Variants in GPAT3 observed in about 807,000 individuals in gnomAD.
GPAT3 encodes the protein glycerol-3-phosphate acyltransferase 3, also known as 1-AGP acyltransferase 9.
A neutral mutation model predicts 58.8 loss-of-function variants in GPAT3; 53 were observed. That is an observed-to-expected ratio of 0.90 (90% CI 0.72 to 1.13). The LOEUF is 1.13. Among genes scored for constraint, GPAT3 ranks in the 50% most tolerant of loss-of-function variants. The probability of loss-of-function intolerance (pLI) is 0.00; values close to 1 mark genes in which losing one functional copy is unlikely to be tolerated. For missense variants in GPAT3, 511 were observed against 527.6 expected (o/e 0.97, Z 0.31); for synonymous variants, 197 against 187.4 (o/e 1.05, Z -0.42).
At chr4:83,574,519 A>G (rs1725714273) in intron 2 of GPAT3, among the ~76,000 whole-genome samples, 2 of 151,918 alleles carry the variant, frequency 1.3e-5, no homozygotes, top group African/African-American at 2.4e-5. Context: ...TTTTATCTTC[A>G]TCCAAGCATG....
chr4:83,574,915 G>T (rs1287312194), intron 2 of GPAT3, among the ~76,000 whole-genome samples: 1 of 124,540 alleles, frequency 8.0e-6, no homozygotes, highest in Non-Finnish European at 1.6e-5. Flanking sequence ...TCTCGCTATC[G>T]CCCAGGCCGG....
intron 2 of GPAT3, among the ~76,000 whole-genome samples, chr4:83,551,233 T>G (rs1724737661): frequency 6.6e-6 from 1 of 152,172 alleles, no homozygotes; most frequent in South Asian, 2.1e-4. Context: ...GCAGTTAAAC[T>G]GAATTAACTG....
At chr4:83,545,174 C>T (rs908006867) in intron 2 of GPAT3, among the ~76,000 whole-genome samples, 7 of 152,230 alleles carry the variant, frequency 4.6e-5, no homozygotes, top group Non-Finnish European at 7.3e-5. Context: ...GGTGCAGTGG[C>T]TCACGCCTAT....
At chr4:83,540,695 T>A (rs958433786) in intron 1 of GPAT3, among the ~76,000 whole-genome samples, 2 of 152,136 alleles carry the variant, frequency 1.3e-5, no homozygotes, top group Admixed American at 1.3e-4. Flanking sequence ...TTATTTTATT[T>A]CTTTTTGTGA....
chr4:83,557,589 C>T (rs1310825464), intron 2 of GPAT3, among the ~76,000 whole-genome samples: 3 of 152,152 alleles, frequency 2.0e-5, no homozygotes, highest in Admixed American at 1.3e-4. Context: ...TTATATGCAG[C>T]CCACAGGCCA....
At chr4:83,535,712 T>A (rs1278961752), upstream of GPAT3, 1 of 985,188 alleles carries the variant, frequency 1.0e-6, no homozygotes, top group Non-Finnish European at 1.2e-6. Flanking sequence ...TAAGCAAGAT[T>A]GAGCCCCACA....
At chr4:83,555,139 A>C (rs1724902719) in intron 2 of GPAT3, among the ~76,000 whole-genome samples, 1 of 152,112 alleles carries the variant, frequency 6.6e-6, no homozygotes, top group African/African-American at 2.4e-5. Context: ...ACTGTGACAT[A>C]ATAAGAAATA....
At chr4:83,590,080 G>T in intron 5 of GPAT3, 119 bp from the exon 6 acceptor site, 1 of 806,810 alleles carries the variant, frequency 1.2e-6, no homozygotes, top group East Asian at 3.0e-5. Flanking sequence ...GCAACAGAGT[G>T]AGACGCGAAA....
At chr4:83,547,129 G>T (rs935683817) in intron 2 of GPAT3, among the ~76,000 whole-genome samples, 2 of 151,976 alleles carry the variant, frequency 1.3e-5, no homozygotes, top group Non-Finnish European at 2.9e-5. Context: ...AGGACCCCAG[G>T]AGTGTGGGTA....
intron 1 of GPAT3, among the ~76,000 whole-genome samples, chr4:83,542,540 G>A (rs754415594): frequency 1.2e-4 from 19 of 152,204 alleles, no homozygotes; most frequent in Non-Finnish European, 8.8e-5. Context: ...GGGTCCTGAC[G>A]TAGTCAGATA....
intron 11 of GPAT3, among the ~76,000 whole-genome samples, chr4:83,602,932 A>G (rs1235204604): frequency 2.6e-5 from 4 of 152,150 alleles, no homozygotes; most frequent in Admixed American, 2.0e-4. Context: ...CCACTGGATG[A>G]TTTGTGGATC....
In GPAT3 at chr4:83,572,004, C is replaced by T. The variant is rs566527843; in HGVS notation, c.209-9558C>T. Among the ~76,000 whole-genome samples the T allele has an allele frequency of 7.2e-5, 11 of 152,182 alleles. No individual in the cohort carries two copies. In the East Asian group the frequency reaches 2.1e-3, roughly 29 times the overall value. On this transcript the variant is annotated intron_variant, in intron 2 of 11. Transcript: ENST00000264409. Reference sequence around the variant, plus strand: ...GCCAGGCTGGTCTCAGACTCCTGACCTCAGGTAATCCACCCCCGTTGTCCT... The same window carrying T: ...GCCAGGCTGGTCTCAGACTCCTGACTTCAGGTAATCCACCCCCGTTGTCCT...
At chr4:83,563,136 A>G (rs1560611755) in intron 2 of GPAT3, among the ~76,000 whole-genome samples, 1 of 152,224 alleles carries the variant, frequency 6.6e-6, no homozygotes, top group Non-Finnish European at 1.5e-5. Flanking sequence ...TTCTGAGGAC[A>G]TGCTGAACCA....
intron 2 of GPAT3, among the ~76,000 whole-genome samples, chr4:83,577,139 C>A (rs1460110246): frequency 6.6e-6 from 1 of 152,128 alleles, no homozygotes; most frequent in Non-Finnish European, 1.5e-5. Context: ...AAACGTTAGG[C>A]AAATCCAAAT....
chr4:83,538,941 G>T (rs560882427), intron 1 of GPAT3, among the ~76,000 whole-genome samples: 1 of 152,346 alleles, frequency 6.6e-6, no homozygotes, highest in Admixed American at 6.5e-5. Context: ...TTTGAATACA[G>T]ATTCATTGTG....
In GPAT3 at chr4:83,604,901, A is replaced by T. The variant is rs1020476117; in HGVS notation, c.*134A>T. ...ACAGAATGATTGTCTCTACCTCTTT[A>T]TGCCAGAGGCAGAACCTACAGGTGC... On this transcript the variant is annotated 3_prime_UTR_variant, in exon 12 of 12. Transcript: ENST00000264409. The T allele has an allele frequency of 1.8e-5, 14 of 759,318 alleles. No homozygotes were observed. The highest frequency in any genetic ancestry group is 2.7e-5 in the Non-Finnish European group (13 of 485,152). 47.0% of individuals were successfully genotyped at this position (759,318 alleles called of 1,614,324 possible).
At chr4:83,591,393 G>T (rs190956256) in intron 6 of GPAT3, among the ~76,000 whole-genome samples, 2 of 152,068 alleles carry the variant, frequency 1.3e-5, no homozygotes, top group Non-Finnish European at 2.9e-5. Context: ...ATTTTAACAC[G>T]TTATTAAATT....
chr4:83,567,086 GGCTT>G (rs1321015793), intron 2 of GPAT3, among the ~76,000 whole-genome samples: 2 of 152,028 alleles, frequency 1.3e-5, no homozygotes, highest in African/African-American at 4.8e-5. Flanking sequence ...GATATTGATA[GGCTT>G]GCCATTTCTT....
chr4:83,550,484 C>T (rs987903584), intron 2 of GPAT3, among the ~76,000 whole-genome samples: 1 of 152,144 alleles, frequency 6.6e-6, no homozygotes, highest in Non-Finnish European at 1.5e-5. Flanking sequence ...CCCCATATCA[C>T]GAGATTCAAC....
Sources: gnomAD v4.1 joint callset for allele counts (sites outside exome capture counted in the v4.1 genomes callset) on GRCh38, gnomAD v4.1.1 for gene constraint, MANE v1.5 for transcripts, NCBI Gene and HGNC (gene_info 2026-07-23, HGNC 2026-07-21) for gene names.